The following RAB3IL1 variants were observed in gnomAD, a reference collection of about 807,000 sequenced individuals.
The protein encoded by RAB3IL1 is RAB3A interacting protein like 1.
RAB3IL1 carries 37 observed loss-of-function variants against 49.2 expected under a neutral mutation model. The ratio of observed to expected loss-of-function variants is 0.75; its 90% CI spans 0.58 to 0.99. RAB3IL1 has a LOEUF of 0.99. Ranked by LOEUF, RAB3IL1 falls within the 50% of genes least tolerant of loss-of-function variation. The probability of loss-of-function intolerance (pLI) is 0.00; values close to 1 mark genes in which losing one functional copy is unlikely to be tolerated. For synonymous variants in RAB3IL1, 193 were observed against 213.9 expected (o/e 0.90, Z 0.85); for missense variants, 484 against 513.0 (o/e 0.94, Z 0.55).
At chr11:61,943,461 A>T in the RAB3IL1 span, among the ~76,000 whole-genome samples, 1 of 152,250 alleles carries the variant, frequency 6.6e-6, no homozygotes, top group Non-Finnish European at 1.5e-5. Flanking sequence ...TAAAATTTTA[A>T]TGTTTAAAAT....
chr11:61,927,912 A>G, the RAB3IL1 span, among the ~76,000 whole-genome samples: 1 of 152,152 alleles, frequency 6.6e-6, no homozygotes, highest in African/African-American at 2.4e-5. Context: ...TCTTTTCTTT[A>G]TAAATTACCC....
chr11:61,924,437 G>A (rs140148665), upstream of RAB3IL1, among the ~76,000 whole-genome samples: 9 of 152,186 alleles, frequency 5.9e-5, no homozygotes, highest in South Asian at 2.1e-4. Context: ...TAACCTACTC[G>A]AGGACAAGGC....
In RAB3IL1 at chr11:61,898,130, G is replaced by T; in HGVS notation, c.*148C>A. The T allele has an allele frequency of 1.4e-6, 1 of 720,940 alleles. No homozygotes were observed. The highest frequency in any genetic ancestry group is 2.4e-6 in the Non-Finnish European group (1 of 416,610). 44.7% of individuals were successfully genotyped at this position (720,940 alleles called of 1,614,324 possible). Reference sequence around the variant, plus strand: ...GTCCCAGGATGGACGTGTGGTGCTGGCTCAGTGCTGCCTCCATGGCCTGTC... The same window carrying T: ...GTCCCAGGATGGACGTGTGGTGCTGTCTCAGTGCTGCCTCCATGGCCTGTC... On this transcript the variant is annotated 3_prime_UTR_variant, in exon 10 of 10. Coordinates refer to ENST00000394836, the MANE Select transcript of RAB3IL1 (RefSeq NM_013401.4). The surrounding 1 kb of genome is among the most constrained non-coding windows in gnomAD (Gnocchi z 5.1).
chr11:61,913,639 C>T, intron 1 of RAB3IL1, among the ~76,000 whole-genome samples: 1 of 152,194 alleles, frequency 6.6e-6, no homozygotes, highest in East Asian at 1.9e-4. Context: ...GCTGGGCACG[C>T]AGTACATCCT....
chr11:61,938,850 T>C, the RAB3IL1 span, among the ~76,000 whole-genome samples: 4 of 151,874 alleles, frequency 2.6e-5, no homozygotes, highest in African/African-American at 4.8e-5. Flanking sequence ...GGCTTGAACC[T>C]GGGAGGTGGA....
chr11:61,907,328 G>C, intron 4 of RAB3IL1, 65 bp downstream of exon 4: 1 of 1,547,482 alleles, frequency 6.5e-7, no homozygotes, highest in Non-Finnish European at 8.9e-7. Flanking sequence ...AAAGCTCAGT[G>C]CTCGCTGAGC....
chr11:61,944,272 C>CCTTCCTTCCT, the RAB3IL1 span, among the ~76,000 whole-genome samples: 1 of 14,682 alleles, frequency 6.8e-5, no homozygotes, highest in African/African-American at 2.1e-4. Context: ...CCTTCCTTCC[C>CCTTCCTTCCT]TCCTTTGTTG....
chr11:61,903,259 C>T (rs955142031), intron 7 of RAB3IL1, among the ~76,000 whole-genome samples: 1 of 152,100 alleles, frequency 6.6e-6, no homozygotes, highest in Non-Finnish European at 1.5e-5. Flanking sequence ...TTTTGGCCTG[C>T]ATCCCCTTGG....
At chr11:61,940,557 C>T in the RAB3IL1 span, among the ~76,000 whole-genome samples, 1,401 of 152,198 alleles carry the variant, frequency 9.2e-3, 21 homozygotes, top group African/African-American at 0.031. Context: ...GAGGCCAAGG[C>T]GAGAGGATTC....
At chr11:61,905,390 T>C (rs1939132585) in intron 5 of RAB3IL1, among the ~76,000 whole-genome samples, 1 of 152,036 alleles carries the variant, frequency 6.6e-6, no homozygotes, top group Non-Finnish European at 1.5e-5. Context: ...TGGAGCCATT[T>C]ACCTGTCGGG....
intron 8 of RAB3IL1, among the ~76,000 whole-genome samples, chr11:61,901,350 G>A (rs1938903834): frequency 6.6e-6 from 1 of 152,182 alleles, no homozygotes; most frequent in African/African-American, 2.4e-5. Flanking sequence ...TGGGTCACTC[G>A]GCAGGGGAGG....
At chr11:61,932,671 CAAA>C in the RAB3IL1 span, among the ~76,000 whole-genome samples, 87 of 150,876 alleles carry the variant, frequency 5.8e-4, no homozygotes, top group African/African-American at 2.1e-3. Context: ...AAAGAGAAAT[CAAA>C]GACATAAATA....
the RAB3IL1 span, among the ~76,000 whole-genome samples, chr11:61,938,271 C>T: frequency 1.3e-5 from 2 of 152,054 alleles, no homozygotes; most frequent in South Asian, 4.1e-4. Context: ...TATGGTGGCA[C>T]ACACCTGTAG....
chr11:61,915,111 C>T (rs765349648), intron 1 of RAB3IL1, among the ~76,000 whole-genome samples: 3 of 152,164 alleles, frequency 2.0e-5, no homozygotes, highest in Admixed American at 6.5e-5. Flanking sequence ...TCACCCCTTC[C>T]GCCAGCTTCT....
chr11:61,920,387 C>T (rs1340873759), upstream of RAB3IL1: 19 of 682,932 alleles, frequency 2.8e-5, no homozygotes, highest in Non-Finnish European at 3.9e-5. Flanking sequence ...CCTGTGGCTC[C>T]TCAGGCAGCA....
chr11:61,907,449 C>T lies in RAB3IL1; in HGVS notation c.382G>A (p.Glu128Lys), dbSNP rs1331454479. 6.2e-7 allele frequency: 1 copy of T among 1,614,212 alleles called. No individual in the cohort carries two copies. The highest frequency in any genetic ancestry group is 8.5e-7 in the Non-Finnish European group (1 of 1,180,038). ...LFEEAHKMVR[E>K]ANMKQAASEK... ...GATGCCGCCTGCTTCATGTTGGCTT[C>T]TCGAACCATCTTGTGAGCTTCCTAG... Residue 128 changes from glutamate to lysine, a missense_variant, in exon 4 of 10, where the codon GAA becomes AAA. Coordinates refer to ENST00000394836, the MANE Select transcript of RAB3IL1 (RefSeq NM_013401.4).
At chr11:61,931,232 A>G in the RAB3IL1 span, among the ~76,000 whole-genome samples, 2 of 152,246 alleles carry the variant, frequency 1.3e-5, no homozygotes, top group African/African-American at 4.8e-5. Context: ...AAGGCAAAAC[A>G]GAAGGTCTTT....
At chr11:61,932,763 T>C in the RAB3IL1 span, among the ~76,000 whole-genome samples, 1 of 150,606 alleles carries the variant, frequency 6.6e-6, no homozygotes, top group East Asian at 2.0e-4. Context: ...TATGTAACTA[T>C]AGTTCATTTT....
chr11:61,901,655 G>A (rs931321944), intron 8 of RAB3IL1, among the ~76,000 whole-genome samples: 14 of 152,356 alleles, frequency 9.2e-5, no homozygotes, highest in African/African-American at 3.4e-4. Context: ...AGGCCCTGTG[G>A]CAGGGGACTG....
Sources: allele counts gnomAD v4.1 joint callset (sites outside exome capture counted in the v4.1 genomes callset), GRCh38; gene constraint gnomAD v4.1.1; non-coding constraint Gnocchi (gnomAD v3.1); transcripts MANE v1.5; gene names NCBI Gene and HGNC (gene_info 2026-07-23, HGNC 2026-07-21).